PEX7: variants seen among roughly 807,000 people sequenced by gnomAD.
The protein encoded by PEX7 is peroxisomal biogenesis factor 7, also known as PTS2 receptor.
PEX7 carries 34 observed loss-of-function variants against 47.5 expected under a neutral mutation model. That is an observed-to-expected ratio of 0.72 (90% confidence interval 0.54 to 0.95). The LOEUF is 0.95. PEX7 is among the 40% of genes least tolerant of loss of function. The pLI is 0.00. For synonymous variants in PEX7, 141 were observed against 148.8 expected, an observed-to-expected ratio of 0.95 and a Z score of 0.38; for missense variants, 394 against 400.3, an observed-to-expected ratio of 0.98 and a Z score of 0.13.
rs1057517059 is a variant in PEX7 at position 136,826,471 on chromosome 6, T to C, written c.339+2T>C. The C allele has an allele frequency of 1.2e-6, 2 of 1,613,450 alleles. No homozygotes were observed. The highest frequency in any genetic ancestry group is 1.7e-6 in the Non-Finnish European group (2 of 1,179,898). On this transcript the variant is annotated splice_donor_variant, in intron 3 of 9. Transcript: ENST00000318471. LOFTEE classifies it high-confidence loss of function. ...GTCTATAAAGAACACGCTCAGGAGG[T>C]AGGAGGGAAATCTTTCTGGGCTGAT... is the stretch of plus-strand genomic sequence containing the variant.
intron 3 of PEX7, among the ~76,000 whole-genome samples, chr6:136,840,865 T>C (rs923107857): frequency 2.6e-5 from 4 of 152,228 alleles, no homozygotes; most frequent in African/African-American, 9.6e-5. Flanking sequence ...GTTCAGTCTT[T>C]AACTGCACTC....
chr6:136,865,175 G>C (rs1775037225), intron 5 of PEX7, among the ~76,000 whole-genome samples: 1 of 152,166 alleles, frequency 6.6e-6, no homozygotes, highest in Admixed American at 6.5e-5. Context: ...TGTTGGCCAG[G>C]CATGGTGGCT....
At chr6:136,909,221 G>A (rs1328323435) in intron 9 of PEX7, among the ~76,000 whole-genome samples, 2 of 152,162 alleles carry the variant, frequency 1.3e-5, no homozygotes, top group East Asian at 3.8e-4. Flanking sequence ...CTTTTAGATA[G>A]CTTTGTAATT....
In PEX7 at chr6:136,850,917, GTTTTTTTTTT is replaced by G. The variant is rs35220728; in HGVS notation, c.526+4748_526+4757del. ...TACTGCCCTCAGATCAAAACTGATGGTTTTTTTTTTTTTTTTTTTTTGCATTGTCTAAAGA... is the reference window on the plus strand; with the variant it reads ...TACTGCCCTCAGATCAAAACTGATGGTTTTTTTTTTTGCATTGTCTAAAGA... On this transcript the variant is annotated intron_variant, in intron 5 of 9. Coordinates refer to ENST00000318471, the MANE Select transcript of PEX7 (RefSeq NM_000288.4). 1.2e-3 allele frequency among the ~76,000 whole-genome samples: 81 copies of G among 69,184 alleles called. 2 individuals are homozygous for G. Among genetic ancestry groups the G allele is most frequent in the African/African-American group, 4.3e-3 (76 of 17,696 alleles). The allele number at this position is 69,184 out of a possible 152,430, so 45.4% of individuals were successfully genotyped here.
chr6:136,847,028 G>A (rs1318795776), intron 5 of PEX7, among the ~76,000 whole-genome samples: 7 of 152,070 alleles, frequency 4.6e-5, no homozygotes, highest in South Asian at 2.1e-4. Flanking sequence ...TTTGATGATC[G>A]CCATTCTAAC....
intron 9 of PEX7, chr6:136,901,142 G>C (rs974566267): frequency 1.3e-5 from 2 of 153,836 alleles, no homozygotes; most frequent in East Asian, 3.8e-4. Context: ...TCTTGCCCTT[G>C]GTCTTCTTTC....
At position 136,843,002 on chromosome 6, in the gene PEX7, C is replaced by G. The variant is rs375897564; in HGVS notation, c.340-2613C>G. Among the ~76,000 whole-genome samples, 93 of 152,274 alleles carry G rather than the reference C, an allele frequency of 6.1e-4. 2 individuals carry two copies. The highest frequency in any genetic ancestry group is 2.2e-3 in the African/African-American group (92 of 41,570). Reference sequence around the variant, plus strand: ...AATCAATCTAGGCCCAAATGTAGCTCCAGTAAAGGGTGAAACCAGCAGGGG... The same window carrying G: ...AATCAATCTAGGCCCAAATGTAGCTGCAGTAAAGGGTGAAACCAGCAGGGG... On this transcript the variant is annotated intron_variant, in intron 3 of 9. Transcript: ENST00000318471.
chr6:136,879,812 C>T (rs1775345385), intron 8 of PEX7, among the ~76,000 whole-genome samples: 1 of 152,016 alleles, frequency 6.6e-6, no homozygotes, highest in South Asian at 2.1e-4. Flanking sequence ...TTCTATATTT[C>T]TTTATCTCAT....
At position 136,913,468 on chromosome 6, in the gene PEX7, G is replaced by A; in HGVS notation, c.914G>A (p.Cys305Tyr). The part of the protein sequence containing the change: ...SLQSPTQVAD[C>Y]SWDETIKIYD... ...ATTTTTGTTTTCTAGGTGGCTGACT[G>A]TTCTTGGGATGAAACAATAAAGATC... Residue 305 changes from cysteine (C) to tyrosine (Y), a missense_variant, in exon 10 of 10, where the codon TGT becomes TAT. Physicochemically the swap from Cys to Tyr is radical, Grantham distance 194. Transcript: ENST00000318471. The A allele has an allele frequency of 6.2e-7, 1 of 1,611,278 alleles. No individual in the cohort carries two copies. Among genetic ancestry groups the A allele is most frequent in the Non-Finnish European group, 8.5e-7 (1 of 1,177,904 alleles).
chr6:136,901,751 A>G (rs1179167466), intron 9 of PEX7, among the ~76,000 whole-genome samples: 2 of 151,918 alleles, frequency 1.3e-5, no homozygotes, highest in Non-Finnish European at 2.9e-5. Context: ...TGCCACACTA[A>G]CCTGTGTTGG....
chr6:136,898,418 C>G (rs1356811789), intron 9 of PEX7, among the ~76,000 whole-genome samples, 177 bp downstream of exon 9: 1 of 152,228 alleles, frequency 6.6e-6, no homozygotes, highest in Non-Finnish European at 1.5e-5. Flanking sequence ...CCTTTCTCCT[C>G]TTGAAAGACT....
chr6:136,913,699 T>A lies in PEX7; in HGVS notation c.*173T>A, dbSNP rs1358942658. The A allele has an allele frequency of 1.6e-6, 1 of 632,338 alleles. No individual in the cohort carries two copies. The highest frequency in any genetic ancestry group is 1.8e-5 in the African/African-American group (1 of 54,432). 39.2% of individuals were successfully genotyped at this position (632,338 alleles called of 1,614,324 possible). ...GGAGCTGATAAAGACTTTAGCTGAC[T>A]CGTTAAGCCTGATACATAAGCCATA... On this transcript the variant is annotated 3_prime_UTR_variant, in exon 10 of 10. Coordinates refer to ENST00000318471, the MANE Select transcript of PEX7 (RefSeq NM_000288.4).
intron 8 of PEX7, among the ~76,000 whole-genome samples, chr6:136,897,552 T>C (rs1386163082): frequency 6.6e-6 from 1 of 152,204 alleles, no homozygotes; most frequent in Non-Finnish European, 1.5e-5. Context: ...CTAGGAATTA[T>C]ATTGATGTGG....
chr6:136,865,004 A>G (rs1775033727), intron 5 of PEX7, among the ~76,000 whole-genome samples: 1 of 152,228 alleles, frequency 6.6e-6, no homozygotes, highest in Non-Finnish European at 1.5e-5. Context: ...GTAGGTATAT[A>G]TATTCTGGAT....
intron 2 of PEX7, 21 bp downstream of exon 2, chr6:136,825,292 A>C: frequency 1.3e-6 from 2 of 1,578,492 alleles, no homozygotes; most frequent in South Asian, 2.2e-5. Flanking sequence ...TGAAATTATT[A>C]AAGGTATATA....
chr6:136,879,448 T>C (rs1162767650), intron 8 of PEX7, among the ~76,000 whole-genome samples: 1 of 152,202 alleles, frequency 6.6e-6, no homozygotes, highest in Non-Finnish European at 1.5e-5. Context: ...TGCTACTATG[T>C]TTTTATCTTG....
chr6:136,902,896 C>T (rs938531466), intron 9 of PEX7, among the ~76,000 whole-genome samples: 9 of 152,074 alleles, frequency 5.9e-5, no homozygotes, highest in Admixed American at 1.3e-4. Flanking sequence ...TTAAAGTAAA[C>T]GCTACCACTT....
At chr6:136,882,426 C>A (rs2115248246) in intron 8 of PEX7, among the ~76,000 whole-genome samples, 1 of 152,182 alleles carries the variant, frequency 6.6e-6, no homozygotes, top group East Asian at 1.9e-4. Context: ...GATCTGCCCA[C>A]CACAGCCTCC....
At chr6:136,880,966 T>C (rs148309067) in intron 8 of PEX7, among the ~76,000 whole-genome samples, 124 of 152,232 alleles carry the variant, frequency 8.1e-4, no homozygotes, top group Non-Finnish European at 1.3e-3. Context: ...AAATAATAAG[T>C]AGTGATTATA....
Sources: allele counts gnomAD v4.1 joint callset (sites outside exome capture counted in the v4.1 genomes callset), GRCh38; gene constraint gnomAD v4.1.1; transcripts MANE v1.5; gene names NCBI Gene and HGNC (gene_info 2026-07-23, HGNC 2026-07-21).